The following GLDC variants were observed in gnomAD, a reference collection of about 807,000 sequenced individuals.
The protein encoded by GLDC is glycine decarboxylase, also known as glycine dehydrogenase (decarboxylating), mitochondrial.
A neutral mutation model predicts 121.3 loss-of-function variants in GLDC; 104 were observed. The ratio of observed to expected loss-of-function variants is 0.86; its 90% confidence interval spans 0.73 to 1.01. GLDC has a LOEUF of 1.01. Ranked by LOEUF, GLDC falls within the 50% of genes least tolerant of loss-of-function variation. GLDC has a pLI of 0.00. For missense variants in GLDC, 1,429 were observed against 1,306.6 expected, an observed-to-expected ratio of 1.09 and a Z score of -1.44; for synonymous variants, 546 against 480.6, an observed-to-expected ratio of 1.14 and a Z score of -1.78.
In GLDC at chr9:6,555,379, G is replaced by A. The variant is rs1817603007; in HGVS notation, c.2203-598C>T. 3.3e-5 allele frequency among the ~76,000 whole-genome samples: 5 copies of A among 152,160 alleles called. 1 individual carries two copies. In the South Asian group the frequency reaches 1.0e-3, roughly 32 times the overall value. On this transcript the variant is annotated intron_variant, in intron 18 of 24. Transcript: ENST00000321612. Reference sequence around the variant, plus strand: ...AGGACTAATTTTGATGGTGACCAAAGGTACAGAATTCATTTATGCTACAGA... The same window carrying A: ...AGGACTAATTTTGATGGTGACCAAAAGTACAGAATTCATTTATGCTACAGA...
At chr9:6,605,650 G>A (rs1353734330) in intron 5 of GLDC, among the ~76,000 whole-genome samples, 1 of 152,174 alleles carries the variant, frequency 6.6e-6, no homozygotes, top group East Asian at 1.9e-4. Flanking sequence ...CCATAAGTAA[G>A]ACAAGGAGGA....
chr9:6,612,849 G>A (rs534021802), intron 3 of GLDC, among the ~76,000 whole-genome samples: 2 of 151,728 alleles, frequency 1.3e-5, no homozygotes, highest in African/African-American at 2.4e-5. Context: ...GTGACAGAGC[G>A]AGACTCCATC....
chr9:6,622,366 C>A (rs1755613), intron 2 of GLDC, among the ~76,000 whole-genome samples: 16,765 of 147,150 alleles, frequency 0.11, 1,107 homozygotes, highest in Admixed American at 0.2. Context: ...CTCAGCCTGA[C>A]GAGTGCCTGC....
At chr9:6,583,754 A>C (rs1384933289) in intron 15 of GLDC, among the ~76,000 whole-genome samples, 1 of 152,246 alleles carries the variant, frequency 6.6e-6, no homozygotes, top group Non-Finnish European at 1.5e-5. Context: ...TAAGTGAAAT[A>C]AGCCAGACAC....
At chr9:6,550,726 A>C in intron 21 of GLDC, 77 bp downstream of exon 21, 1 of 857,342 alleles carries the variant, frequency 1.2e-6, no homozygotes, top group Non-Finnish European at 2.0e-6. Flanking sequence ...TGCCCATGTC[A>C]GAAAAGCGCA....
Position 6,610,590 on chromosome 9 carries a change from GT to G in GLDC, c.471-235del, listed in dbSNP as rs1305642745. 5.9e-5 allele frequency among the ~76,000 whole-genome samples: 9 copies of G among 152,140 alleles called. 1 individual carries two copies. The highest frequency in any genetic ancestry group is 3.9e-4 in the Admixed American group (6 of 15,256). On this transcript the variant is annotated intron_variant, in intron 3 of 24. Transcript: ENST00000321612. The stretch of plus-strand genomic sequence containing the variant: ...CTTATTTTTCTATCTCTCTGGTGTT[GT>G]TTTTTTGTTTTTTGTTTGTTGGTTT...
intron 23 of GLDC, among the ~76,000 whole-genome samples, chr9:6,535,224 C>A (rs1016587554): frequency 1.3e-5 from 2 of 151,988 alleles, no homozygotes; most frequent in African/African-American, 4.8e-5. Flanking sequence ...GTGGTATTAT[C>A]CACTTGTATT....
intron 15 of GLDC, among the ~76,000 whole-genome samples, chr9:6,579,885 G>A (rs1221367824): frequency 6.6e-6 from 1 of 152,128 alleles, no homozygotes; most frequent in African/African-American, 2.4e-5. Context: ...TCCCTTTGCT[G>A]GCTACGGCTC....
chr9:6,638,879 C>T (rs906126743), intron 2 of GLDC, among the ~76,000 whole-genome samples: 2 of 151,908 alleles, frequency 1.3e-5, no homozygotes, highest in African/African-American at 4.8e-5. Flanking sequence ...CATGGTGGTG[C>T]GTGCCTGTAG....
chr9:6,612,564 T>TCTAC (rs1421382849), intron 3 of GLDC, among the ~76,000 whole-genome samples: 1 of 151,690 alleles, frequency 6.6e-6, no homozygotes, highest in Non-Finnish European at 1.5e-5. Flanking sequence ...AGACCTCACC[T>TCTAC]CTACAAAAAA....
At position 6,616,925 on chromosome 9, in the gene GLDC, T is replaced by C. The variant is rs114295138; in HGVS notation, c.470+3259A>G. On this transcript the variant is annotated intron_variant, in intron 3 of 24. Transcript: ENST00000321612. ...CTCATTTTAATCCTGCTGACAAAAA[T>C]ATACCAAACAGAAATAGCTACAAGG... 2.3e-3 allele frequency among the ~76,000 whole-genome samples: 348 copies of C among 152,286 alleles called. 3 individuals are homozygous for C. Among genetic ancestry groups the C allele is most frequent in the African/African-American group, 8.0e-3 (333 of 41,576 alleles).
At chr9:6,582,386 G>A (rs1563846647) in intron 15 of GLDC, among the ~76,000 whole-genome samples, 2 of 148,536 alleles carry the variant, frequency 1.3e-5, no homozygotes. Flanking sequence ...CCGGCCACGG[G>A]GGCAGGCACC....
At chr9:6,572,437 G>C (rs1451005322) in intron 15 of GLDC, among the ~76,000 whole-genome samples, 3 of 152,192 alleles carry the variant, frequency 2.0e-5, no homozygotes, top group African/African-American at 7.2e-5. Context: ...GGAATGCAGA[G>C]CCTTTCAGTG....
At chr9:6,565,613 C>A (rs1429434623) in intron 15 of GLDC, 184 bp from the exon 16 acceptor site, 3 of 676,128 alleles carry the variant, frequency 4.4e-6, no homozygotes, top group South Asian at 1.6e-5. Flanking sequence ...TCAAAACAAT[C>A]AAAGCAACAG....
intron 19 of GLDC, among the ~76,000 whole-genome samples, chr9:6,553,823 C>A (rs1383885494): frequency 6.6e-6 from 1 of 152,088 alleles, no homozygotes; most frequent in Non-Finnish European, 1.5e-5. Context: ...TTCCCTCACC[C>A]CTATACACTT....
In GLDC at chr9:6,602,176, A is replaced by G; in HGVS notation, c.1088T>C (p.Leu363Pro). 1 of 1,612,752 alleles carries G rather than the reference A, an allele frequency of 6.2e-7. No individual in the cohort carries two copies. Among genetic ancestry groups the G allele is most frequent in the Non-Finnish European group, 8.5e-7 (1 of 1,178,844 alleles). Residue 363 changes from leucine (L) to proline (P), a missense_variant, in exon 8 of 25, where the codon CTT becomes CCT. Leu to Pro is a moderately conservative substitution (Grantham distance 98, BLOSUM62 -3). Transcript: ENST00000321612. ...GTGTTGCTCCCTGGTTTGAAGAGCA[A>G]GACGATACACTTCTTTCCCAGTGGC... ...RDATGKEVYR[L>P]ALQTREQHIR...
chr9:6,549,468 C>G (rs552799054), intron 21 of GLDC, among the ~76,000 whole-genome samples: 34 of 152,288 alleles, frequency 2.2e-4, no homozygotes, highest in African/African-American at 7.9e-4. Flanking sequence ...CAAGCACTGC[C>G]AGGGTTCTAA....
intron 15 of GLDC, among the ~76,000 whole-genome samples, chr9:6,572,280 G>C (rs1293650062): frequency 6.6e-6 from 1 of 152,210 alleles, no homozygotes; most frequent in Non-Finnish European, 1.5e-5. Context: ...CCAACGAGCA[G>C]TAAGTACAAA....
chr9:6,547,806 C>G (rs1817427866), intron 21 of GLDC, among the ~76,000 whole-genome samples: 1 of 152,062 alleles, frequency 6.6e-6, no homozygotes, highest in African/African-American at 2.4e-5. Flanking sequence ...GGAAAATGCT[C>G]ATAATATACA....
Sources: gnomAD v4.1 joint callset for allele counts (sites outside exome capture counted in the v4.1 genomes callset) on GRCh38, gnomAD v4.1.1 for gene constraint, MANE v1.5 for transcripts, NCBI Gene and HGNC (gene_info 2026-07-23, HGNC 2026-07-21) for gene names.